The following DHX32 variants were observed in gnomAD, a reference collection of about 807,000 sequenced individuals.
DHX32 encodes DEAH-box helicase 32 (putative).
In DHX32, 51 loss-of-function variants were observed where a neutral mutation model predicts 70.0. The observed-to-expected ratio is 0.73, with a 90% CI of 0.58 to 0.92. The LOEUF (loss-of-function observed/expected upper bound fraction) is 0.92. Ranked by LOEUF, DHX32 falls within the 40% of genes least tolerant of loss-of-function variation. DHX32 has a pLI of 0.00. For synonymous variants in DHX32, 310 were observed against 315.3 expected, an observed-to-expected ratio of 0.98 and a Z score of 0.18; for missense variants, 762 against 891.8, an observed-to-expected ratio of 0.85 and a Z score of 1.85.
chr10:125,854,267 T>A, intron 3 of DHX32, 64 bp from the exon 4 acceptor site: 1 of 1,476,616 alleles, frequency 6.8e-7, no homozygotes, highest in South Asian at 1.4e-5. Flanking sequence ...TAAAAAAATG[T>A]CTGAATTACA....
rs1425998307 is a variant in DHX32 at position 125,865,687 on chromosome 10, G to A, written c.476+1303C>T. Among the ~76,000 whole-genome samples, 5 of 152,000 alleles carry A rather than the reference G, an allele frequency of 3.3e-5. No homozygotes were observed. In the East Asian group the frequency reaches 7.7e-4, roughly 23 times the overall value. ...TGGGACTATAGGCATGCACCATCACGCTCACTAATTTTTGTATTTTTTGTA... is the reference window on the plus strand; with the variant it reads ...TGGGACTATAGGCATGCACCATCACACTCACTAATTTTTGTATTTTTTGTA... On this transcript the variant is annotated intron_variant, in intron 2 of 10. Transcript: ENST00000284690.
At chr10:125,844,457 A>G (rs1458006999) in intron 6 of DHX32, among the ~76,000 whole-genome samples, 1 of 152,246 alleles carries the variant, frequency 6.6e-6, no homozygotes, top group Non-Finnish European at 1.5e-5. Context: ...GGTTAGTAAC[A>G]TAAATGACTT....
At chr10:125,886,226 G>A (rs374137528), upstream of DHX32, among the ~76,000 whole-genome samples, 624 of 152,322 alleles carry the variant, frequency 4.1e-3, 2 homozygotes, top group African/African-American at 0.013. Context: ...CATAAAGGTC[G>A]TTACCAAATG....
In DHX32 at chr10:125,854,219, C is replaced by T. The variant is rs765502604; in HGVS notation, c.850-16G>A. ...TCTCAATATCCTAAAGAAAAAAAAA[C>T]CCATGAAAATAAAATACAATGCAAA... On this transcript the variant is annotated splice_polypyrimidine_tract_variant and intron_variant, in intron 3 of 10. Coordinates refer to ENST00000284690, the MANE Select transcript of DHX32 (RefSeq NM_018180.3). The T allele has an allele frequency of 5.4e-5, 84 of 1,560,810 alleles. No individual in the cohort carries two copies. Among genetic ancestry groups the T allele is most frequent in the Non-Finnish European group, 7.0e-5 (81 of 1,162,008 alleles).
intron 6 of DHX32, among the ~76,000 whole-genome samples, chr10:125,850,495 T>C (rs527397906): frequency 6.6e-6 from 1 of 151,900 alleles, no homozygotes; most frequent in Non-Finnish European, 1.5e-5. Context: ...GTAGCTGGGA[T>C]TACAGGCATG....
intron 1 of DHX32, 33 bp downstream of exon 1, chr10:125,880,510 T>G: frequency 6.5e-7 from 1 of 1,545,476 alleles, no homozygotes; most frequent in South Asian, 1.3e-5. Context: ...AATCAACACA[T>G]ACAGCAAATT....
At chr10:125,843,760 T>A (rs556474685) in intron 6 of DHX32, among the ~76,000 whole-genome samples, 2 of 152,208 alleles carry the variant, frequency 1.3e-5, no homozygotes, top group Non-Finnish European at 1.5e-5. Flanking sequence ...CCAGTCCTGC[T>A]GGAGGACAGC....
At chr10:125,874,857 T>C (rs1944275448) in intron 1 of DHX32, among the ~76,000 whole-genome samples, 1 of 152,046 alleles carries the variant, frequency 6.6e-6, no homozygotes, top group African/African-American at 2.4e-5. Context: ...CACAAATAGA[T>C]GGATAGAATG....
chr10:125,852,226 A>G, intron 6 of DHX32, 67 bp downstream of exon 6: 1 of 1,574,816 alleles, frequency 6.3e-7, no homozygotes. Flanking sequence ...TGAACTCAGG[A>G]CAGAGAATGG....
At chr10:125,867,321 T>C in intron 1 of DHX32, 138 bp from the exon 2 acceptor site, 1 of 678,384 alleles carries the variant, frequency 1.5e-6, no homozygotes, top group Non-Finnish European at 2.5e-6. Flanking sequence ...TACATCTTAC[T>C]TAGTGAAACT....
At chr10:125,838,152 C>T in intron 10 of DHX32, 54 bp downstream of exon 10, 2 of 1,487,986 alleles carry the variant, frequency 1.3e-6, no homozygotes, top group Admixed American at 2.4e-5. Flanking sequence ...TCATTTACTC[C>T]TACAGGTATG....
intron 1 of DHX32, among the ~76,000 whole-genome samples, chr10:125,891,765 T>G (rs1944372481): frequency 1.3e-5 from 2 of 152,268 alleles, no homozygotes; most frequent in Non-Finnish European, 2.9e-5. Context: ...TCCTCAGGAG[T>G]AGGTACTCTT....
intron 6 of DHX32, 115 bp downstream of exon 6, chr10:125,852,178 C>T (rs192272602): frequency 2.4e-5 from 32 of 1,316,056 alleles, no homozygotes; most frequent in African/African-American, 2.4e-4. Context: ...TCCAAACCAA[C>T]GCCCCCTCCA....
chr10:125,868,168 C>CT (rs1450747324), intron 1 of DHX32, among the ~76,000 whole-genome samples: 3 of 151,772 alleles, frequency 2.0e-5, no homozygotes, highest in African/African-American at 4.8e-5. Context: ...TTTAAAAATC[C>CT]TTTTTTTTCT....
chr10:125,886,623 T>C (rs1217102540), intron 1 of DHX32, among the ~76,000 whole-genome samples: 1 of 151,748 alleles, frequency 6.6e-6, no homozygotes, highest in Non-Finnish European at 1.5e-5. Flanking sequence ...TTGCTATTCT[T>C]AGAATTCTTT....
intron 1 of DHX32, among the ~76,000 whole-genome samples, chr10:125,870,814 G>A (rs1944251595): frequency 6.6e-6 from 1 of 151,950 alleles, no homozygotes; most frequent in Admixed American, 6.6e-5. Context: ...TCCAGCCTGG[G>A]CAACAGAGCG....
At chr10:125,842,563 G>A (rs1854912578) in intron 6 of DHX32, 1 of 152,338 alleles carries the variant, frequency 6.6e-6, no homozygotes, top group African/African-American at 2.4e-5. Flanking sequence ...AGCAGGACCT[G>A]AAAGGATCAC....
At position 125,859,869 on chromosome 10, in the gene DHX32, C is replaced by T. The variant is rs368470851; in HGVS notation, c.583G>A (p.Asp195Asn). Residue 195 changes from aspartate to asparagine, a missense_variant, in exon 3 of 11, where the codon GAT becomes AAT. Around this residue, in one of 3 missense-constraint regions of DHX32, gnomAD observed 394 missense variants for 473.1 expected, o/e 0.83. Coordinates refer to ENST00000284690, the MANE Select transcript of DHX32 (RefSeq NM_018180.3). The part of the protein sequence containing the change: ...DDIHERSIAT[D>N]VLLGLLKDVL... ...TCTTTAAGAAGTCCAAGTAACACAT[C>T]AGTTGCAATGCTTCTTTCATGAATA... 3.1e-6 allele frequency: 5 copies of T among 1,613,992 alleles called. No individual in the cohort carries two copies. In the African/African-American group the frequency reaches 6.7e-5, roughly 22 times the overall value.
Position 125,850,154 on chromosome 10 carries a change from A to AT in DHX32, c.1351+2138dup, listed in dbSNP as rs1156610050. On this transcript the variant is annotated intron_variant, in intron 6 of 10. Transcript: ENST00000284690. The stretch of plus-strand genomic sequence containing the variant: ...CTCATTAAAAAAAAAAAAAAAAAAA[A>AT]TTTGTAGAGATGGGGTCTTGTTATA... Among the ~76,000 whole-genome samples, 9 of 130,834 alleles carry AT rather than the reference A, an allele frequency of 6.9e-5. No homozygotes were observed. The South Asian group carries it at 1.7e-3, about 24-fold the overall frequency. The allele number at this position is 130,834 out of a possible 152,430, so 85.8% of individuals were successfully genotyped here.
Sources: allele counts gnomAD v4.1 joint callset (sites outside exome capture counted in the v4.1 genomes callset), GRCh38; gene constraint gnomAD v4.1.1; regional missense constraint gnomAD v4.1.1; transcripts MANE v1.5; gene names NCBI Gene and HGNC (gene_info 2026-07-23, HGNC 2026-07-21).